Variants in UGT2A1 observed in about 807,000 individuals in gnomAD.
The protein encoded by UGT2A1 is UDP-glucuronosyltransferase 2A1.
UGT2A1 carries 61 observed loss-of-function variants against 45.4 expected under a neutral mutation model. The observed-to-expected ratio is 1.34, with a 90% CI of 1.09 to 1.66. UGT2A1 has a LOEUF of 1.66. Ranked by LOEUF, UGT2A1 falls within the 40% of genes most tolerant of loss-of-function variation. The probability of loss-of-function intolerance (pLI) is 0.00; values close to 1 mark genes in which losing one functional copy is unlikely to be tolerated. For synonymous variants in UGT2A1, 229 were observed against 196.2 expected (o/e 1.17, Z -1.40); for missense variants, 649 against 574.3 (o/e 1.13, Z -1.33).
At chr4:69,596,132 T>C in intron 4 of UGT2A1, 1 of 1,297,024 alleles carries the variant, frequency 7.7e-7, no homozygotes, top group Non-Finnish European at 9.9e-7. Context: ...CTTACAACTG[T>C]TACTAGTGAT....
intron 2 of UGT2A1, among the ~76,000 whole-genome samples, chr4:69,637,349 T>TA (rs558240183): frequency 2.0e-5 from 3 of 151,974 alleles, no homozygotes; most frequent in South Asian, 2.1e-4. Flanking sequence ...AACTTTTTGA[T>TA]AAAAAAAATT....
At position 69,602,532 on chromosome 4, in the gene UGT2A1, C is replaced by G. The variant is rs770619687; in HGVS notation, c.848-3138G>C. On this transcript the variant is annotated intron_variant, in intron 3 of 6. Transcript: ENST00000286604. ...CTGATATCATGTTATGTAACAAATC[C>G]AAAACAATATACAGATAAATCTTCA... is the stretch of plus-strand genomic sequence containing the variant. Among the ~76,000 whole-genome samples, 10 of 136,012 alleles carry G rather than the reference C, an allele frequency of 7.4e-5. 3 individuals carry two copies. Among genetic ancestry groups the G allele is most frequent in the African/African-American group, 3.0e-4 (10 of 33,586 alleles). 89.2% of individuals were successfully genotyped at this position (136,012 alleles called of 152,430 possible). A position where few individuals can be genotyped will look rare whatever the true frequency, so the allele number is the denominator to read the frequency against.
chr4:69,607,228 C>T (rs528709601), intron 3 of UGT2A1, among the ~76,000 whole-genome samples: 2,607 of 134,644 alleles, frequency 0.019, 44 homozygotes, highest in Non-Finnish European at 0.029. Flanking sequence ...GAGATAAAGA[C>T]CAATGGAACA....
intron 2 of UGT2A1, chr4:69,639,184 A>C (rs902392333): frequency 1.9e-6 from 3 of 1,613,620 alleles, no homozygotes; most frequent in African/African-American, 1.3e-5. Context: ...AACACATCAA[A>C]ACCACCTTTC....
chr4:69,611,546 GT>G (rs1005084869), intron 3 of UGT2A1, among the ~76,000 whole-genome samples: 110 of 151,970 alleles, frequency 7.2e-4, no homozygotes, highest in Non-Finnish European at 1.3e-3. Context: ...ATAGCTCAGA[GT>G]TTTTTTCTCC....
intron 1 of UGT2A1, among the ~76,000 whole-genome samples, chr4:69,648,386 C>G (rs1009525057): frequency 6.6e-6 from 1 of 151,512 alleles, no homozygotes; most frequent in South Asian, 2.1e-4. Context: ...TGAATAGGAG[C>G]TATTTAAGAG....
intron 3 of UGT2A1, chr4:69,599,695 AAGAG>A (rs138740078): frequency 2.0e-5 from 4 of 200,442 alleles, no homozygotes; most frequent in South Asian, 2.8e-4. Context: ...GAAATAAAGA[AAGAG>A]AGAGAGAGAG....
In UGT2A1 at chr4:69,639,172, C is replaced by T. The variant is rs191574645; in HGVS notation, c.716-3350G>A. ...CCACAGATTGTTACTGGGTCTGCTA[C>T]CAACACATCAAAACCACCTTTCTGA... On this transcript the variant is annotated intron_variant, in intron 2 of 6. Coordinates refer to ENST00000286604, the MANE Select transcript of UGT2A1 (RefSeq NM_001252275.3). 3,438 of 1,613,632 alleles carry T rather than the reference C, an allele frequency of 2.1e-3. 13 individuals are homozygous for T. The highest frequency in any genetic ancestry group is 2.6e-3 in the Non-Finnish European group (3,069 of 1,179,742).
chr4:69,637,046 G>A (rs912588054), intron 2 of UGT2A1, among the ~76,000 whole-genome samples: 1 of 152,018 alleles, frequency 6.6e-6, no homozygotes, highest in Non-Finnish European at 1.5e-5. Flanking sequence ...ACATAGCTGG[G>A]TAGTTACAAT....
At chr4:69,632,067 C>G (rs1194804429) in intron 3 of UGT2A1, among the ~76,000 whole-genome samples, 1 of 152,038 alleles carries the variant, frequency 6.6e-6, no homozygotes, top group Non-Finnish European at 1.5e-5. Flanking sequence ...TGTATATTAA[C>G]TTTATTTTTG....
At chr4:69,636,245 T>A (rs1721704574) in intron 2 of UGT2A1, among the ~76,000 whole-genome samples, 1 of 152,148 alleles carries the variant, frequency 6.6e-6, no homozygotes, top group African/African-American at 2.4e-5. Flanking sequence ...AAATTTGACA[T>A]GTTGTTAGCT....
chr4:69,647,291 G>GA lies in UGT2A1; in HGVS notation c.353dup (p.His119ProfsTer9). 6.2e-7 allele frequency: 1 copy of GA among 1,613,388 alleles called. No individual in the cohort carries two copies. The highest frequency in any genetic ancestry group is 8.5e-7 in the Non-Finnish European group (1 of 1,179,562). ...CACAGATCTCCTGAGACACCATGTG[G>GA]AAGTCCTTGATTACTTTGGCCATCT... On this transcript the variant is annotated frameshift_variant, in exon 2 of 7. Transcript: ENST00000286604. LOFTEE classifies it high-confidence loss of function.
chr4:69,635,811 G>GT lies in UGT2A1; in HGVS notation c.726dup (p.Leu243ThrfsTer33). ...ACTGCACTCCAGCCTGGGCAACAGA[G>GT]TAAGAGTCCACCTCACCAAAAAAAA... On this transcript the variant is annotated frameshift_variant, in exon 3 of 7. Coordinates refer to ENST00000286604, the MANE Select transcript of UGT2A1 (RefSeq NM_001252275.3). LOFTEE classifies it high-confidence loss of function. The GT allele has an allele frequency of 1.8e-5, 1 of 54,780 alleles. No homozygotes were observed. Among genetic ancestry groups the GT allele is most frequent in the East Asian group, 9.7e-4 (1 of 1,036 alleles). 3.4% of individuals were successfully genotyped at this position (54,780 alleles called of 1,614,324 possible).
At chr4:69,633,650 T>C (rs1721509956) in intron 3 of UGT2A1, among the ~76,000 whole-genome samples, 2 of 152,174 alleles carry the variant, frequency 1.3e-5, no homozygotes. Flanking sequence ...CAACAACTTG[T>C]ACGAATTTCA....
intron 1 of UGT2A1, among the ~76,000 whole-genome samples, chr4:69,649,055 T>C (rs1036751131): frequency 6.6e-5 from 10 of 152,076 alleles, no homozygotes; most frequent in African/African-American, 1.9e-4. Context: ...GCGATCTCTG[T>C]GAAAATATTA....
At chr4:69,604,727 T>G (rs1185991758) in intron 3 of UGT2A1, among the ~76,000 whole-genome samples, 1 of 136,084 alleles carries the variant, frequency 7.3e-6, no homozygotes, top group Admixed American at 7.2e-5. Context: ...TGGAGGAAGA[T>G]CTACCAAGCA....
rs1718440550 is a variant in UGT2A1 at position 69,589,282 on chromosome 4, G to A, written c.*90C>T. On this transcript the variant is annotated 3_prime_UTR_variant, in exon 7 of 7. Transcript: ENST00000286604. ...GAAACAGGATGGGAGACGTGTTTTT[G>A]TTAAACTCCTTTTGTCTGGAATTAA... is the stretch of plus-strand genomic sequence containing the variant. 1 of 1,399,836 alleles carries A rather than the reference G, an allele frequency of 7.1e-7. No homozygotes were observed. Among genetic ancestry groups the A allele is most frequent in the African/African-American group, 1.4e-5 (1 of 68,998 alleles). The allele number at this position is 1,399,836 out of a possible 1,614,324, so 86.7% of individuals were successfully genotyped here.
intron 3 of UGT2A1, among the ~76,000 whole-genome samples, chr4:69,626,538 C>T (rs1440597010): frequency 3.3e-5 from 5 of 151,562 alleles, no homozygotes; most frequent in Admixed American, 6.6e-5. Flanking sequence ...GTATTATGCT[C>T]ACTACTGGGT....
At chr4:69,643,151 T>C (rs7690649) in intron 2 of UGT2A1, among the ~76,000 whole-genome samples, 43,015 of 151,242 alleles carry the variant, frequency 0.28, 6,850 homozygotes, top group African/African-American at 0.42. Context: ...GATGACCTAC[T>C]CCTTAATGGA....
Sources: gnomAD v4.1 joint callset for allele counts (sites outside exome capture counted in the v4.1 genomes callset) on GRCh38, gnomAD v4.1.1 for gene constraint, MANE v1.5 for transcripts, NCBI Gene and HGNC (gene_info 2026-07-23, HGNC 2026-07-21) for gene names.